GUCY1A2: variants seen among roughly 807,000 people sequenced by gnomAD.
GUCY1A2 encodes the protein guanylate cyclase soluble subunit alpha-2.
In GUCY1A2, 27 loss-of-function variants were observed where a neutral mutation model predicts 63.5. The ratio of observed to expected loss-of-function variants is 0.43; its 90% CI spans 0.31 to 0.59. GUCY1A2 has a LOEUF of 0.59. GUCY1A2 is among the 20% of genes least tolerant of loss of function. The pLI is 0.11. For synonymous variants in GUCY1A2, 364 were observed against 343.5 expected (o/e 1.06, Z -0.66); for missense variants, 768 against 913.3 (o/e 0.84, Z 2.05).
At chr11:106,851,194 G>A in intron 4 of GUCY1A2, among the ~76,000 whole-genome samples, 1 of 149,652 alleles carries the variant, frequency 6.7e-6, no homozygotes, top group East Asian at 2.0e-4. Flanking sequence ...GTTTTTTTTT[G>A]TTTTGTTTTG....
At chr11:106,756,732 G>A (rs1026142553) in intron 6 of GUCY1A2, among the ~76,000 whole-genome samples, 1 of 152,182 alleles carries the variant, frequency 6.6e-6, no homozygotes, top group African/African-American at 2.4e-5. Flanking sequence ...AGTCTGATGA[G>A]CTTCCCTTTG....
At chr11:106,828,007 C>T in intron 4 of GUCY1A2, 1 of 678,908 alleles carries the variant, frequency 1.5e-6, no homozygotes. Context: ...GAGAATCCGA[C>T]CTACGGGTGC....
Position 106,864,550 on chromosome 11 carries a change from T to A in GUCY1A2, c.1207-54072A>T, listed in dbSNP as rs528992932. ...TGCCCATTCTGCATGATATGGGCGATGGGTTTGTCATAAATAGCTCTTATT... is the reference window on the plus strand; with the variant it reads ...TGCCCATTCTGCATGATATGGGCGAAGGGTTTGTCATAAATAGCTCTTATT... On this transcript the variant is annotated intron_variant, in intron 4 of 7. Transcript: ENST00000526355. Among the ~76,000 whole-genome samples the A allele has an allele frequency of 2.0e-5, 3 of 152,274 alleles. No homozygotes were observed. In the South Asian group the frequency reaches 6.2e-4, roughly 32 times the overall value.
chr11:106,903,036 A>C (rs1314290013), intron 4 of GUCY1A2, among the ~76,000 whole-genome samples: 6 of 152,154 alleles, frequency 3.9e-5, no homozygotes, highest in Admixed American at 3.3e-4. Context: ...ACTCTAACTG[A>C]ACTTCAAATA....
At chr11:106,939,316 C>T (rs1860719688) in intron 4 of GUCY1A2, 144 bp downstream of exon 4, 1 of 578,228 alleles carries the variant, frequency 1.7e-6, no homozygotes. Context: ...AATCTTTTTA[C>T]ATACATCCAG....
At chr11:106,788,722 GCTATATT>G (rs2135410841) in intron 5 of GUCY1A2, among the ~76,000 whole-genome samples, 1 of 152,166 alleles carries the variant, frequency 6.6e-6, no homozygotes, top group East Asian at 1.9e-4. Context: ...TAGATGTATG[GCTATATT>G]CTGGGTTCTC....
intron 5 of GUCY1A2, among the ~76,000 whole-genome samples, chr11:106,784,841 T>G (rs189894582): frequency 6.6e-6 from 1 of 151,220 alleles, no homozygotes; most frequent in African/African-American, 2.4e-5. Flanking sequence ...GTCCTCCATG[T>G]GAAGTCATGG....
At position 106,965,233 on chromosome 11, in the gene GUCY1A2, T is replaced by C. The variant is rs534488682; in HGVS notation, c.487+13386A>G. Reference sequence around the variant, plus strand: ...TATATTCAAATATAGCTGCAAGCATTTGTTGGCTAAGCGATTTGGAGTAAA... The same window carrying C: ...TATATTCAAATATAGCTGCAAGCATCTGTTGGCTAAGCGATTTGGAGTAAA... On this transcript the variant is annotated intron_variant, in intron 3 of 7. Coordinates refer to ENST00000526355, the MANE Select transcript of GUCY1A2 (RefSeq NM_000855.3). 2.6e-5 allele frequency among the ~76,000 whole-genome samples: 4 copies of C among 152,222 alleles called. No individual in the cohort carries two copies. In the South Asian group the frequency reaches 8.3e-4, roughly 32 times the overall value.
At chr11:106,856,235 A>T (rs1387338396) in intron 4 of GUCY1A2, among the ~76,000 whole-genome samples, 1 of 151,972 alleles carries the variant, frequency 6.6e-6, no homozygotes, top group African/African-American at 2.4e-5. Context: ...GGTTGCAGTG[A>T]GCTGAGATCA....
chr11:106,945,656 G>C (rs1213267535), intron 3 of GUCY1A2, among the ~76,000 whole-genome samples: 1 of 152,184 alleles, frequency 6.6e-6, no homozygotes, highest in African/African-American at 2.4e-5. Flanking sequence ...GTTGTAGTAT[G>C]AACATTAATT....
At chr11:106,983,005 C>A (rs541072986) in intron 2 of GUCY1A2, among the ~76,000 whole-genome samples, 1 of 152,300 alleles carries the variant, frequency 6.6e-6, no homozygotes. Context: ...GAAATCAGAA[C>A]CTCTGGGAGC....
At chr11:106,718,687 T>C (rs1357294147) in intron 6 of GUCY1A2, among the ~76,000 whole-genome samples, 2 of 152,112 alleles carry the variant, frequency 1.3e-5, no homozygotes, top group African/African-American at 4.8e-5. Flanking sequence ...GATACTTAGA[T>C]TGAATATGCA....
chr11:106,735,394 A>G (rs1043138758), intron 6 of GUCY1A2, among the ~76,000 whole-genome samples: 1 of 152,106 alleles, frequency 6.6e-6, no homozygotes, highest in Non-Finnish European at 1.5e-5. Flanking sequence ...AGAACATGCA[A>G]TAGTCATCCT....
At chr11:107,006,887 G>A (rs1238996929) in intron 1 of GUCY1A2, among the ~76,000 whole-genome samples, 1 of 152,138 alleles carries the variant, frequency 6.6e-6, no homozygotes, top group Non-Finnish European at 1.5e-5. Context: ...AATTTCATCT[G>A]CTCTCTTACA....
chr11:106,848,201 G>C (rs972583775), intron 4 of GUCY1A2, among the ~76,000 whole-genome samples: 19 of 150,410 alleles, frequency 1.3e-4, no homozygotes, highest in Middle Eastern at 3.4e-3. Context: ...TTTGCAATTA[G>C]AGCTATATAA....
chr11:106,983,211 C>T (rs952283331), intron 2 of GUCY1A2, among the ~76,000 whole-genome samples: 24 of 151,828 alleles, frequency 1.6e-4, no homozygotes, highest in African/African-American at 5.1e-4. Flanking sequence ...GAGATGATGA[C>T]GATAGTGGAG....
In GUCY1A2 at chr11:106,723,875, G is replaced by C. The variant is rs77214468; in HGVS notation, c.1837-15209C>G. 4.6e-3 allele frequency among the ~76,000 whole-genome samples: 692 copies of C among 151,676 alleles called. 8 individuals are homozygous for C. Among genetic ancestry groups the C allele is most frequent in the Middle Eastern group, 0.017 (5 of 290 alleles). ...TTAAACCACTTCTTAAAACATCTTT[G>C]AACATAAATTAATATGCTTTTTGAA... is the stretch of plus-strand genomic sequence containing the variant. On this transcript the variant is annotated intron_variant, in intron 6 of 7. Coordinates refer to ENST00000526355, the MANE Select transcript of GUCY1A2 (RefSeq NM_000855.3).
chr11:106,827,735 A>G (rs1391576233), intron 4 of GUCY1A2: 2 of 1,534,226 alleles, frequency 1.3e-6, no homozygotes, highest in Non-Finnish European at 1.8e-6. Flanking sequence ...TCTGCTTGAA[A>G]TTTGTAACTG....
At chr11:106,801,546 G>C (rs946658347) in intron 5 of GUCY1A2, among the ~76,000 whole-genome samples, 1 of 152,034 alleles carries the variant, frequency 6.6e-6, no homozygotes, top group Non-Finnish European at 1.5e-5. Context: ...TCTGACACAT[G>C]AATGATTTAA....
Sources: allele counts gnomAD v4.1 joint callset (sites outside exome capture counted in the v4.1 genomes callset), GRCh38; gene constraint gnomAD v4.1.1; transcripts MANE v1.5; gene names NCBI Gene and HGNC (gene_info 2026-07-23, HGNC 2026-07-21).